CSMD1: variants seen among roughly 807,000 people sequenced by gnomAD.
CSMD1 encodes the protein CUB and Sushi multiple domains 1, also known as CUB and sushi domain-containing protein 1.
In CSMD1, 213 loss-of-function variants were observed where a neutral mutation model predicts 417.5. The ratio of observed to expected loss-of-function variants is 0.51; its 90% confidence interval spans 0.46 to 0.57. The LOEUF (loss-of-function observed/expected upper bound fraction) is 0.57. CSMD1 is among the 20% of genes least tolerant of loss of function. The pLI is 0.00. For synonymous variants in CSMD1, 2,862 were observed against 1,736.8 expected (o/e 1.65, Z -16.11); for missense variants, 6,923 against 4,529.7 (o/e 1.53, Z -15.17).
chr8:4,210,840 C>T (rs967186749), intron 3 of CSMD1, among the ~76,000 whole-genome samples: 6 of 152,004 alleles, frequency 3.9e-5, no homozygotes, highest in Non-Finnish European at 7.4e-5. Context: ...TCATGTATCT[C>T]GGGAAAGAAA....
chr8:4,139,838 A>G (rs1803674250), intron 3 of CSMD1, among the ~76,000 whole-genome samples: 1 of 151,036 alleles, frequency 6.6e-6, no homozygotes, highest in Non-Finnish European at 1.5e-5. Context: ...TTGGAGCAGA[A>G]GAACAAAGTG....
intron 1 of CSMD1, among the ~76,000 whole-genome samples, chr8:4,973,006 G>A (rs118168872): frequency 0.032 from 4,805 of 152,000 alleles, 93 homozygotes; most frequent in Middle Eastern, 0.13. Flanking sequence ...TGATCCCATC[G>A]TTTTATATTT....
At chr8:4,805,908 G>A (rs1160277508) in intron 1 of CSMD1, among the ~76,000 whole-genome samples, 1 of 152,124 alleles carries the variant, frequency 6.6e-6, no homozygotes. Context: ...ACTCAAATGC[G>A]ATGGCTTGTG....
chr8:3,678,973 C>T (rs1322748374), intron 7 of CSMD1, among the ~76,000 whole-genome samples: 5 of 152,138 alleles, frequency 3.3e-5, no homozygotes, highest in African/African-American at 9.7e-5. Flanking sequence ...ACTTCACAGA[C>T]AAGCAAATGC....
intron 5 of CSMD1, among the ~76,000 whole-genome samples, chr8:3,780,889 G>T (rs971715508): frequency 6.6e-6 from 1 of 152,152 alleles, no homozygotes; most frequent in Non-Finnish European, 1.5e-5. Context: ...GTGTGGAAGG[G>T]GTTTAGGTAA....
At chr8:3,161,077 T>C (rs532959192) in intron 38 of CSMD1, among the ~76,000 whole-genome samples, 55 of 152,200 alleles carry the variant, frequency 3.6e-4, no homozygotes, top group Non-Finnish European at 6.2e-4. Context: ...ATTACCTGAA[T>C]TAACTGAAGA....
intron 10 of CSMD1, among the ~76,000 whole-genome samples, chr8:3,536,664 G>C (rs779284970): frequency 6.6e-6 from 1 of 152,172 alleles, no homozygotes; most frequent in African/African-American, 2.4e-5. Flanking sequence ...GCAGTGGTCA[G>C]AAGTGTAGGC....
At chr8:3,878,214 A>C (rs1265572952) in intron 5 of CSMD1, among the ~76,000 whole-genome samples, 1 of 152,160 alleles carries the variant, frequency 6.6e-6, no homozygotes, top group East Asian at 1.9e-4. Flanking sequence ...TAAAACTAAT[A>C]TCAAGTAGTG....
intron 10 of CSMD1, among the ~76,000 whole-genome samples, chr8:3,537,760 G>A (rs115810800): frequency 0.012 from 1,779 of 152,244 alleles, 40 homozygotes; most frequent in African/African-American, 0.04. Context: ...ATTTAGGACA[G>A]TAAAACAAGA....
chr8:3,854,114 T>C (rs1438795097), intron 5 of CSMD1, among the ~76,000 whole-genome samples: 1 of 145,408 alleles, frequency 6.9e-6, no homozygotes, highest in Non-Finnish European at 1.5e-5. Context: ...TATATAGTTA[T>C]ATATTATACT....
At chr8:4,577,157 G>T (rs1477643181) in intron 2 of CSMD1, among the ~76,000 whole-genome samples, 1 of 151,148 alleles carries the variant, frequency 6.6e-6, no homozygotes, top group Non-Finnish European at 1.5e-5. Flanking sequence ...GGTTTTTTTT[G>T]CACTGATTTT....
chr8:3,983,775 C>G (rs1051022516), intron 5 of CSMD1, among the ~76,000 whole-genome samples: 2 of 152,158 alleles, frequency 1.3e-5, no homozygotes, highest in Non-Finnish European at 2.9e-5. Flanking sequence ...AACTGCACCT[C>G]TAGAGCACGT....
intron 4 of CSMD1, among the ~76,000 whole-genome samples, chr8:4,008,121 C>G (rs909248657): frequency 3.3e-5 from 5 of 152,016 alleles, no homozygotes; most frequent in Admixed American, 3.3e-4. Flanking sequence ...GAAATAAAGT[C>G]AAGGCAGGTA....
At chr8:3,060,408 T>G (rs1254071657) in intron 49 of CSMD1, among the ~76,000 whole-genome samples, 2 of 151,928 alleles carry the variant, frequency 1.3e-5, no homozygotes, top group Non-Finnish European at 2.9e-5. Context: ...CTGAACTCCT[T>G]GAACTCCTGA....
intron 1 of CSMD1, among the ~76,000 whole-genome samples, chr8:4,834,344 G>C (rs1800330569): frequency 6.6e-6 from 1 of 152,098 alleles, no homozygotes; most frequent in South Asian, 2.1e-4. Context: ...TTGATGGCAA[G>C]AACGCATCAT....
intron 15 of CSMD1, among the ~76,000 whole-genome samples, chr8:3,403,102 T>C (rs951268310): frequency 1.3e-5 from 2 of 152,212 alleles, no homozygotes; most frequent in Admixed American, 6.5e-5. Flanking sequence ...TCTACTTTAA[T>C]TGGAATATTA....
At chr8:4,075,231 T>G (rs1041956238) in intron 3 of CSMD1, among the ~76,000 whole-genome samples, 1 of 152,160 alleles carries the variant, frequency 6.6e-6, no homozygotes, top group African/African-American at 2.4e-5. Context: ...ATGTGCAGCT[T>G]AAGGACTTAG....
chr8:3,161,507 C>A (rs929305527), intron 38 of CSMD1, among the ~76,000 whole-genome samples: 1 of 151,002 alleles, frequency 6.6e-6, no homozygotes, highest in African/African-American at 2.4e-5. Flanking sequence ...ATACCAGCTA[C>A]TTGGGAGGCT....
At chr8:3,946,742 C>G (rs1811255976) in intron 5 of CSMD1, among the ~76,000 whole-genome samples, 1 of 152,028 alleles carries the variant, frequency 6.6e-6, no homozygotes, top group African/African-American at 2.4e-5. Context: ...AGTAATTTCT[C>G]TCAGCTATGT....
Sources: allele counts gnomAD v4.1 joint callset (sites outside exome capture counted in the v4.1 genomes callset), GRCh38; gene constraint gnomAD v4.1.1; transcripts MANE v1.5; gene names NCBI Gene and HGNC (gene_info 2026-07-23, HGNC 2026-07-21).